ARHGEF3: variants seen among roughly 807,000 people sequenced by gnomAD.
ARHGEF3 encodes the protein Rho guanine nucleotide exchange factor 3.
A neutral mutation model predicts 63.2 loss-of-function variants in ARHGEF3; 28 were observed. That is an observed-to-expected ratio of 0.44 (90% CI 0.33 to 0.61). The LOEUF is 0.61. Among genes scored for constraint, ARHGEF3 ranks in the 20% least tolerant of loss-of-function variants. The pLI is 0.03. For missense variants in ARHGEF3, 533 were observed against 659.3 expected (o/e 0.81, Z 2.10); for synonymous variants, 266 against 254.2 (o/e 1.05, Z -0.44).
At chr3:56,739,597 G>A (rs1013269561) in intron 7 of ARHGEF3, among the ~76,000 whole-genome samples, 2 of 151,784 alleles carry the variant, frequency 1.3e-5, no homozygotes, top group African/African-American at 4.8e-5. Context: ...ATGGGTTTTT[G>A]CTCTGTTGCC....
chr3:56,758,067 C>T (rs919629768), intron 2 of ARHGEF3, among the ~76,000 whole-genome samples: 1 of 151,144 alleles, frequency 6.6e-6, no homozygotes, highest in Admixed American at 6.6e-5. Context: ...CACCTGAGGT[C>T]AGGAGTTCAA....
intron 2 of ARHGEF3, among the ~76,000 whole-genome samples, chr3:56,764,467 C>T (rs13100723): frequency 0.069 from 10,510 of 152,160 alleles, 506 homozygotes; most frequent in Admixed American, 0.12. Context: ...TTTATTATGA[C>T]CAAACTTTGA....
chr3:56,775,416 G>A, intron 1 of ARHGEF3: 2 of 1,025,484 alleles, frequency 2.0e-6, no homozygotes, highest in Non-Finnish European at 2.3e-6. Context: ...ATCTCACAAT[G>A]TGGCCAGAAA....
intron 1 of ARHGEF3, among the ~76,000 whole-genome samples, chr3:57,066,859 G>T (rs374076134): frequency 6.6e-6 from 1 of 152,216 alleles, no homozygotes; most frequent in Non-Finnish European, 1.5e-5. Context: ...TGGGCTCACT[G>T]CAACTCTTCC....
chr3:56,841,935 T>C (rs2039322141), intron 4 of ARHGEF3, among the ~76,000 whole-genome samples: 1 of 152,216 alleles, frequency 6.6e-6, no homozygotes, highest in Non-Finnish European at 1.5e-5. Context: ...GGCATTTGTT[T>C]TATTATTTGC....
chr3:56,966,700 C>CAG (rs1700509410), intron 2 of ARHGEF3, among the ~76,000 whole-genome samples: 1 of 151,988 alleles, frequency 6.6e-6, no homozygotes, highest in South Asian at 2.1e-4. Context: ...AGAGTGAAAG[C>CAG]AGAGATAAGC....
chr3:56,947,129 A>G (rs1233168158), intron 3 of ARHGEF3, among the ~76,000 whole-genome samples: 1 of 152,244 alleles, frequency 6.6e-6, no homozygotes, highest in African/African-American at 2.4e-5. Flanking sequence ...TGAAGGAAGC[A>G]CTAAATATGG....
chr3:56,830,158 A>G (rs2038880555), intron 4 of ARHGEF3, among the ~76,000 whole-genome samples: 1 of 152,168 alleles, frequency 6.6e-6, no homozygotes, highest in Non-Finnish European at 1.5e-5. Flanking sequence ...ATAATGCTAC[A>G]CTGTCTCTCC....
chr3:57,061,542 A>G (rs972765791), intron 1 of ARHGEF3, among the ~76,000 whole-genome samples: 16 of 152,204 alleles, frequency 1.1e-4, no homozygotes, highest in African/African-American at 3.6e-4. Flanking sequence ...TCATCTGTCA[A>G]TAGACATTTG....
At chr3:56,774,978 C>A (rs1259943828) in intron 1 of ARHGEF3, 2 of 1,459,148 alleles carry the variant, frequency 1.4e-6, no homozygotes, top group Non-Finnish European at 1.8e-6. Context: ...AAACATTTTA[C>A]AAAGACAAAG....
Position 56,728,290 on chromosome 3 carries a change from T to C in ARHGEF3, c.*980A>G, listed in dbSNP as rs2032860232. ...CAGAAGGCACTGGACCATGCTTTTC[T>C]CTCAATGGCTCCCACAGAAGGTTCT... On this transcript the variant is annotated 3_prime_UTR_variant, in exon 10 of 10. Coordinates refer to ENST00000296315, the MANE Select transcript of ARHGEF3 (RefSeq NM_019555.3). The C allele has an allele frequency of 6.6e-6, 1 of 152,640 alleles. No homozygotes were observed. Among genetic ancestry groups the C allele is most frequent in the Non-Finnish European group, 1.5e-5 (1 of 68,032 alleles). 9.5% of individuals were successfully genotyped at this position (152,640 alleles called of 1,614,324 possible).
intron 2 of ARHGEF3, among the ~76,000 whole-genome samples, chr3:57,010,586 G>A (rs550126759): frequency 2.4e-4 from 36 of 152,194 alleles, no homozygotes; most frequent in African/African-American, 8.2e-4. Flanking sequence ...ACTATGCATG[G>A]TTTGGAGGAT....
At chr3:56,929,897 T>A (rs1380466657) in intron 3 of ARHGEF3, among the ~76,000 whole-genome samples, 1 of 152,148 alleles carries the variant, frequency 6.6e-6, no homozygotes, top group African/African-American at 2.4e-5. Context: ...CCCTAGATCC[T>A]CTGAGGTATA....
chr3:57,010,932 G>A (rs769330712), intron 2 of ARHGEF3, among the ~76,000 whole-genome samples: 6 of 152,180 alleles, frequency 3.9e-5, no homozygotes, highest in Non-Finnish European at 8.8e-5. Context: ...AAAATTTGAA[G>A]AAAGAAATGA....
intron 2 of ARHGEF3, among the ~76,000 whole-genome samples, chr3:57,019,247 C>T (rs1703145781): frequency 6.6e-6 from 1 of 152,202 alleles, no homozygotes; most frequent in African/African-American, 2.4e-5. Context: ...GACCAGGGCA[C>T]TCCCAGAGGG....
chr3:56,968,452 G>A (rs548286683), intron 2 of ARHGEF3, among the ~76,000 whole-genome samples: 27 of 140,632 alleles, frequency 1.9e-4, no homozygotes, highest in African/African-American at 6.9e-4. Context: ...TGATACTCCC[G>A]CCTCAGCCTC....
intron 2 of ARHGEF3, among the ~76,000 whole-genome samples, chr3:56,767,292 T>C (rs1019867871): frequency 2.0e-5 from 3 of 151,916 alleles, no homozygotes; most frequent in East Asian, 1.9e-4. Context: ...TTTTAAAAAA[T>C]GCACATGCGG....
rs544317909 is a variant in ARHGEF3 at position 56,989,892 on chromosome 3, A to G, written c.63-31003T>C. Among the ~76,000 whole-genome samples, 139 of 152,352 alleles carry G rather than the reference A, an allele frequency of 9.1e-4. 3 individuals carry two copies. Among genetic ancestry groups the G allele is most frequent in the Non-Finnish European group, 9.7e-4 (66 of 68,034 alleles). ...AACTTGACTTTCCTCCTCTGGAACA[A>G]TAATGGGAGCCGCTATTTACCAAAG... On this transcript the variant is annotated intron_variant, in intron 2 of 12. Transcript: ENST00000338458.
intron 1 of ARHGEF3, among the ~76,000 whole-genome samples, chr3:57,067,592 T>C (rs1182982250): frequency 6.6e-6 from 1 of 151,034 alleles, no homozygotes; most frequent in Non-Finnish European, 1.5e-5. Flanking sequence ...CCCAGCACAC[T>C]GGGAGGCTGA....
Sources: allele counts gnomAD v4.1 joint callset (sites outside exome capture counted in the v4.1 genomes callset), GRCh38; gene constraint gnomAD v4.1.1; transcripts MANE v1.5; gene names NCBI Gene and HGNC (gene_info 2026-07-23, HGNC 2026-07-21).